STK32B: variants seen among roughly 807,000 people sequenced by gnomAD.
STK32B encodes the protein serine/threonine kinase 32B.
Under a neutral mutation model 52.6 loss-of-function variants are expected in STK32B, and 43 were observed. That is an observed-to-expected ratio of 0.82 (90% CI 0.64 to 1.05). The LOEUF (loss-of-function observed/expected upper bound fraction) is 1.05, where lower values mean the gene tolerates loss of function less well. Ranked by LOEUF, STK32B falls within the 50% of genes least tolerant of loss-of-function variation. The pLI is 0.00. For missense variants in STK32B, 621 were observed against 534.6 expected, an observed-to-expected ratio of 1.16 and a Z score of -1.59; for synonymous variants, 238 against 204.3, an observed-to-expected ratio of 1.17 and a Z score of -1.41.
At chr4:5,303,982 G>A (rs1729746584) in intron 3 of STK32B, among the ~76,000 whole-genome samples, 1 of 151,982 alleles carries the variant, frequency 6.6e-6, no homozygotes, top group Non-Finnish European at 1.5e-5. Flanking sequence ...AAGATCAGTT[G>A]GCTATAAGTA....
intron 1 of STK32B, among the ~76,000 whole-genome samples, chr4:5,114,736 G>A (rs1262507726): frequency 6.6e-6 from 1 of 152,164 alleles, no homozygotes; most frequent in Non-Finnish European, 1.5e-5. Flanking sequence ...TCATATCCAA[G>A]CAGTACATCT....
At chr4:5,260,086 C>T (rs1212727408) in intron 3 of STK32B, among the ~76,000 whole-genome samples, 2 of 152,062 alleles carry the variant, frequency 1.3e-5, no homozygotes, top group Non-Finnish European at 2.9e-5. Flanking sequence ...CATACACACA[C>T]ACACACGCAC....
chr4:5,301,028 A>G (rs938647047), intron 3 of STK32B, among the ~76,000 whole-genome samples: 13 of 152,150 alleles, frequency 8.5e-5, no homozygotes, highest in Non-Finnish European at 1.2e-4. Context: ...TTTTCTGAAT[A>G]TATTAAGATG....
intron 5 of STK32B, among the ~76,000 whole-genome samples, chr4:5,408,308 TC>T (rs1045439650): frequency 2.5e-4 from 38 of 152,174 alleles, no homozygotes; most frequent in African/African-American, 9.2e-4. Flanking sequence ...CTGGGGGTGT[TC>T]TCATGAATGA....
At chr4:5,438,133 C>T (rs368458904) in intron 6 of STK32B, 2 of 985,286 alleles carry the variant, frequency 2.0e-6, no homozygotes, top group East Asian at 1.1e-4. Flanking sequence ...CTGGGTGCAC[C>T]CTGCGCTATT....
intron 2 of STK32B, among the ~76,000 whole-genome samples, chr4:5,160,189 C>T: frequency 6.6e-6 from 1 of 152,208 alleles, no homozygotes; most frequent in East Asian, 1.9e-4. Flanking sequence ...TGAGCCCGTT[C>T]CTGAGGCCCT....
At chr4:5,491,218 C>T (rs988993732) in intron 11 of STK32B, among the ~76,000 whole-genome samples, 2 of 152,202 alleles carry the variant, frequency 1.3e-5, no homozygotes, top group Admixed American at 1.3e-4. Flanking sequence ...TATTTCTCCA[C>T]ATCCTCTCCA....
intron 3 of STK32B, among the ~76,000 whole-genome samples, chr4:5,169,867 G>A (rs1225337423): frequency 2.0e-5 from 3 of 152,028 alleles, no homozygotes; most frequent in African/African-American, 7.2e-5. Flanking sequence ...AAATTTTGGT[G>A]TGTAATTATT....
chr4:5,333,668 G>A lies in STK32B; in HGVS notation c.434+2275G>A, dbSNP rs915864014. ...TAATTTTTGTATAAGGTGTAAGGAAGGGATCCAGTTTCAGCTTTCTCCATA... is the reference window on the plus strand; with the variant it reads ...TAATTTTTGTATAAGGTGTAAGGAAAGGATCCAGTTTCAGCTTTCTCCATA... On this transcript the variant is annotated intron_variant, in intron 4 of 11. Coordinates refer to ENST00000282908, the MANE Select transcript of STK32B (RefSeq NM_018401.3). 1.3e-3 allele frequency among the ~76,000 whole-genome samples: 194 copies of A among 152,284 alleles called. 2 individuals carry two copies. Among genetic ancestry groups the A allele is most frequent in the African/African-American group, 4.4e-3 (184 of 41,552 alleles).
chr4:5,360,873 C>T (rs1253446218), intron 4 of STK32B, among the ~76,000 whole-genome samples: 1 of 152,172 alleles, frequency 6.6e-6, no homozygotes, highest in Non-Finnish European at 1.5e-5. Context: ...GATAATTTAG[C>T]ACCTTAACAG....
At chr4:5,036,303 T>A in the STK32B span, among the ~76,000 whole-genome samples, 1 of 152,202 alleles carries the variant, frequency 6.6e-6, no homozygotes, top group Non-Finnish European at 1.5e-5. Flanking sequence ...TGACATGTAG[T>A]AGGTGCTCCG....
intron 3 of STK32B, among the ~76,000 whole-genome samples, chr4:5,232,478 GA>G (rs1189781486): frequency 5.3e-5 from 8 of 152,164 alleles, no homozygotes; most frequent in Non-Finnish European, 1.0e-4. Context: ...AGTTGGATGT[GA>G]AAAAATACAT....
intron 3 of STK32B, among the ~76,000 whole-genome samples, chr4:5,269,599 G>C (rs11737595): frequency 0.091 from 13,887 of 152,150 alleles, 788 homozygotes; most frequent in Non-Finnish European, 0.12. Flanking sequence ...TATTATAACT[G>C]TATTCCTCAT....
intron 3 of STK32B, among the ~76,000 whole-genome samples, chr4:5,213,228 C>T (rs1723006262): frequency 6.6e-6 from 1 of 152,166 alleles, no homozygotes; most frequent in African/African-American, 2.4e-5. Context: ...CTGACAGCTT[C>T]TGATTCTTCT....
At chr4:5,248,511 C>T (rs1725630445) in intron 3 of STK32B, among the ~76,000 whole-genome samples, 1 of 152,194 alleles carries the variant, frequency 6.6e-6, no homozygotes, top group Non-Finnish European at 1.5e-5. Context: ...GTCAATTTAA[C>T]TCCTCATGTT....
In STK32B at chr4:5,500,842, C is replaced by T. The variant is rs1227785866; in HGVS notation, c.*1759C>T. ...GGGCCTGCTCCTCTCCCTACTGTGA[C>T]CCTGGAGGCTCTTAAGATGATGATG... On this transcript the variant is annotated 3_prime_UTR_variant, in exon 12 of 12. Transcript: ENST00000282908. The T allele has an allele frequency of 6.6e-6, 1 of 152,138 alleles. No individual in the cohort carries two copies. The highest frequency in any genetic ancestry group is 1.5e-5 in the Non-Finnish European group (1 of 68,044). The allele number at this position is 152,138 out of a possible 1,614,324, so 9.4% of individuals were successfully genotyped here.
rs1158982113 is a variant in STK32B, at chr4:5,317,214, CAT to C, written c.261-13997_261-13996del. On this transcript the variant is annotated intron_variant, in intron 3 of 11. Transcript: ENST00000282908. ...TAACATATATATATTATATATATAA[CAT>C]ATATATATTATATATAACATATATA... 3.8e-3 allele frequency among the ~76,000 whole-genome samples: 153 copies of C among 40,662 alleles called. 17 individuals are homozygous for C. The highest frequency in any genetic ancestry group is 9.0e-3 in the Admixed American group (21 of 2,328). 26.7% of individuals were successfully genotyped at this position (40,662 alleles called of 152,430 possible).
chr4:5,250,711 A>G (rs1481723313), intron 3 of STK32B, among the ~76,000 whole-genome samples: 1 of 151,804 alleles, frequency 6.6e-6, no homozygotes, highest in South Asian at 2.1e-4. Context: ...TTTCTCCTCA[A>G]CCTCTCCAGC....
intron 5 of STK32B, among the ~76,000 whole-genome samples, chr4:5,405,781 A>G (rs896917289): frequency 2.6e-5 from 4 of 152,096 alleles, no homozygotes; most frequent in African/African-American, 7.2e-5. Context: ...TTAGGATCCA[A>G]TCACCTCCCA....
Sources: gnomAD v4.1 joint callset for allele counts (sites outside exome capture counted in the v4.1 genomes callset) on GRCh38, gnomAD v4.1.1 for gene constraint, MANE v1.5 for transcripts, NCBI Gene and HGNC (gene_info 2026-07-23, HGNC 2026-07-21) for gene names.